The following PRKACB variants were observed in gnomAD, a reference collection of about 807,000 sequenced individuals.
The protein encoded by PRKACB is cAMP-dependent protein kinase catalytic subunit beta.
PRKACB carries 16 observed loss-of-function variants against 51.4 expected under a neutral mutation model. The observed-to-expected ratio is 0.31, with a 90% CI of 0.21 to 0.47. The LOEUF is 0.47. Ranked by LOEUF, PRKACB falls within the 20% of genes least tolerant of loss-of-function variation. The pLI, the probability that PRKACB is intolerant of heterozygous loss-of-function variation, is 1.00. For missense variants in PRKACB, 309 were observed against 464.5 expected, an observed-to-expected ratio of 0.67 and a Z score of 3.08; for synonymous variants, 147 against 154.4, an observed-to-expected ratio of 0.95 and a Z score of 0.35.
At chr1:84,094,019 A>G (rs1648729304) in intron 1 of PRKACB, among the ~76,000 whole-genome samples, 2 of 152,126 alleles carry the variant, frequency 1.3e-5, no homozygotes, top group African/African-American at 4.8e-5. Context: ...TAGATTTTAC[A>G]TATACACAAA....
At chr1:84,170,232 A>G (rs921034901) in intron 1 of PRKACB, among the ~76,000 whole-genome samples, 4 of 151,618 alleles carry the variant, frequency 2.6e-5, no homozygotes, top group African/African-American at 9.7e-5. Flanking sequence ...TTTAATGCAT[A>G]CAGTTTAGGA....
At chr1:84,085,717 T>C in intron 1 of PRKACB, 1 of 222,314 alleles carries the variant, frequency 4.5e-6, no homozygotes, top group South Asian at 1.3e-4. Context: ...GGGCTGTGCA[T>C]CCCTCTGCTT....
intron 1 of PRKACB, among the ~76,000 whole-genome samples, chr1:84,102,256 G>A (rs139669400): frequency 2.3e-3 from 351 of 151,982 alleles, no homozygotes; most frequent in African/African-American, 8.0e-3. Flanking sequence ...GCGTGGTGTT[G>A]GGCACCTGTA....
intron 1 of PRKACB, chr1:84,175,049 A>T (rs1461257410): frequency 1.4e-6 from 2 of 1,466,036 alleles, no homozygotes; most frequent in Non-Finnish European, 1.8e-6. Flanking sequence ...CCTCTTCAGA[A>T]ATATCTGGTA....
chr1:84,133,262 T>C (rs1371340166), intron 1 of PRKACB, among the ~76,000 whole-genome samples: 5 of 152,070 alleles, frequency 3.3e-5, no homozygotes, highest in Admixed American at 2.0e-4. Context: ...AAATACCAAC[T>C]GACCTATAAT....
At chr1:84,127,469 C>A (rs1651722388) in intron 1 of PRKACB, among the ~76,000 whole-genome samples, 1 of 152,164 alleles carries the variant, frequency 6.6e-6, no homozygotes, top group South Asian at 2.1e-4. Context: ...AAAAATCTAT[C>A]TTTCCAGAAA....
At chr1:84,141,621 T>A (rs1012576392), upstream of PRKACB, among the ~76,000 whole-genome samples, 1 of 151,994 alleles carries the variant, frequency 6.6e-6, no homozygotes, top group African/African-American at 2.4e-5. Context: ...GCTTTAGTAA[T>A]TTTGTTTTAA....
chr1:84,228,953 T>C (rs898051089), intron 9 of PRKACB, among the ~76,000 whole-genome samples: 2 of 151,998 alleles, frequency 1.3e-5, no homozygotes, highest in East Asian at 1.9e-4. Context: ...TATTATACTT[T>C]ACGTTTTAGG....
chr1:84,099,727 C>A (rs1269943439), intron 1 of PRKACB, among the ~76,000 whole-genome samples: 3 of 151,836 alleles, frequency 2.0e-5, no homozygotes, highest in African/African-American at 2.4e-5. Context: ...GGATTTGTAT[C>A]ATAATTCACG....
chr1:84,079,035 G>A (rs1185011119), intron 1 of PRKACB, among the ~76,000 whole-genome samples: 1 of 152,198 alleles, frequency 6.6e-6, no homozygotes, highest in Non-Finnish European at 1.5e-5. Context: ...CGGAGTTGAA[G>A]TGCTTCCAGA....
chr1:84,124,111 A>G (rs553219898), intron 1 of PRKACB, among the ~76,000 whole-genome samples: 6 of 152,326 alleles, frequency 3.9e-5, no homozygotes, highest in Admixed American at 2.0e-4. Context: ...ATTTAAAAAC[A>G]TTTATTGAGT....
chr1:84,221,144 G>A (rs1673642304), intron 9 of PRKACB, among the ~76,000 whole-genome samples: 1 of 152,008 alleles, frequency 6.6e-6, no homozygotes, highest in Non-Finnish European at 1.5e-5. Flanking sequence ...GGTCTGTTCA[G>A]ATTTTCTGTT....
intron 1 of PRKACB, among the ~76,000 whole-genome samples, chr1:84,148,339 A>T (rs1395442726): frequency 6.6e-6 from 1 of 151,622 alleles, no homozygotes; most frequent in African/African-American, 2.4e-5. Context: ...CTTATACTTA[A>T]CTTTTATTGT....
At chr1:84,202,833 C>A (rs1294164253) in intron 8 of PRKACB, 28 bp downstream of exon 8, 3 of 1,534,710 alleles carry the variant, frequency 2.0e-6, no homozygotes, top group Non-Finnish European at 2.7e-6. Context: ...TTATTCCTCT[C>A]TTATTACTGT....
At chr1:84,131,990 G>T (rs972457470) in intron 1 of PRKACB, among the ~76,000 whole-genome samples, 1 of 152,054 alleles carries the variant, frequency 6.6e-6, no homozygotes, top group African/African-American at 2.4e-5. Flanking sequence ...TCCAACAAAG[G>T]TCTACTCTGT....
At chr1:84,138,737 A>AC (rs1195905238) in intron 1 of PRKACB, among the ~76,000 whole-genome samples, 1 of 152,208 alleles carries the variant, frequency 6.6e-6, no homozygotes, top group Non-Finnish European at 1.5e-5. Context: ...TGAAAATAAA[A>AC]CTACCAAGCA....
intron 7 of PRKACB, among the ~76,000 whole-genome samples, chr1:84,199,551 A>G (rs562828352): frequency 6.6e-6 from 1 of 152,234 alleles, no homozygotes; most frequent in African/African-American, 2.4e-5. Context: ...CTAGTCTACA[A>G]TTGGTGGACA....
intron 1 of PRKACB, among the ~76,000 whole-genome samples, chr1:84,177,861 T>C (rs1436868571): frequency 6.6e-6 from 1 of 152,108 alleles, no homozygotes; most frequent in Non-Finnish European, 1.5e-5. Context: ...ATTGTTTTAG[T>C]GCATGAGATT....
intron 1 of PRKACB, among the ~76,000 whole-genome samples, chr1:84,157,893 T>C (rs1480616137): frequency 2.0e-5 from 3 of 152,162 alleles, no homozygotes; most frequent in Non-Finnish European, 4.4e-5. Context: ...TATGTTTTTA[T>C]TTCTCTTGGG....
Sources: gnomAD v4.1 joint callset for allele counts (sites outside exome capture counted in the v4.1 genomes callset) on GRCh38, gnomAD v4.1.1 for gene constraint, MANE v1.5 for transcripts, NCBI Gene and HGNC (gene_info 2026-07-23, HGNC 2026-07-21) for gene names.